SLC2A12: variants seen among roughly 807,000 people sequenced by gnomAD.
SLC2A12 encodes solute carrier family 2, facilitated glucose transporter member 12.
In SLC2A12, 23 loss-of-function variants were observed where a neutral mutation model predicts 41.8. The ratio of observed to expected loss-of-function variants is 0.55; its 90% CI spans 0.40 to 0.78. The LOEUF (loss-of-function observed/expected upper bound fraction) is 0.78, where lower values mean the gene tolerates loss of function less well. Among genes scored for constraint, SLC2A12 ranks in the 30% least tolerant of loss-of-function variants. The pLI is 0.00. For synonymous variants in SLC2A12, 295 were observed against 285.9 expected (o/e 1.03, Z -0.32); for missense variants, 654 against 745.6 (o/e 0.88, Z 1.43).
intron 1 of SLC2A12, among the ~76,000 whole-genome samples, chr6:134,041,776 A>G (rs1332277164): frequency 6.6e-6 from 1 of 152,176 alleles, no homozygotes; most frequent in African/African-American, 2.4e-5. Flanking sequence ...CGGGCTTTCA[A>G]TGCTGTGGTG....
intron 1 of SLC2A12, among the ~76,000 whole-genome samples, chr6:134,035,073 C>T (rs1009763356): frequency 1.4e-5 from 2 of 147,350 alleles, no homozygotes; most frequent in Admixed American, 7.1e-5. Flanking sequence ...GAATAAGATA[C>T]CCCAAAGTAC....
chr6:134,006,239 A>C (rs1241582405), intron 3 of SLC2A12, among the ~76,000 whole-genome samples: 1 of 151,648 alleles, frequency 6.6e-6, no homozygotes, highest in Admixed American at 6.6e-5. Context: ...ACATGACTAT[A>C]ATCAACAAAA....
At chr6:134,024,701 C>A (rs553482523) in intron 2 of SLC2A12, among the ~76,000 whole-genome samples, 2 of 152,204 alleles carry the variant, frequency 1.3e-5, no homozygotes, top group Admixed American at 1.3e-4. Flanking sequence ...TCTTAATATG[C>A]GTGAGATTTT....
At position 134,038,700 on chromosome 6, in the gene SLC2A12, C is replaced by CTTTTTT. The variant is rs200794350; in HGVS notation, c.104-8985_104-8980dup. 1.7e-4 allele frequency among the ~76,000 whole-genome samples: 14 copies of CTTTTTT among 82,110 alleles called. 2 individuals carry two copies. The highest frequency in any genetic ancestry group is 8.3e-4 in the African/African-American group (13 of 15,704). 53.9% of individuals were successfully genotyped at this position (82,110 alleles called of 152,430 possible). A position where few individuals can be genotyped will look rare whatever the true frequency, so the allele number is the denominator to read the frequency against. On this transcript the variant is annotated intron_variant, in intron 1 of 4. Transcript: ENST00000275230. ...CTTTTATCCTTTCTTCCTTTCTTTC[C>CTTTTTT]TTTTTTTTTTTTTTTTTTTTTTTTT...
In SLC2A12 at chr6:134,029,591, C is replaced by T; in HGVS notation, c.234G>A (p.Glu78=). 1.9e-6 allele frequency: 3 copies of T among 1,614,084 alleles called. No homozygotes were observed. The highest frequency in any genetic ancestry group is 2.5e-6 in the Non-Finnish European group (3 of 1,180,016). Residue 78 remains glutamate (E), a synonymous_variant, in exon 2 of 5, where the codon GAG becomes GAA. Coordinates refer to ENST00000275230, the MANE Select transcript of SLC2A12 (RefSeq NM_145176.3). ...IKTLLALSCH[E]QEMVVSSLVI... is the part of the protein sequence containing the mutation. Reference sequence around the variant, plus strand: ...CGAGGGAGCTCACAACCATTTCCTGCTCATGGCAGCTCAGGGCTAATAAGG... The same window carrying T: ...CGAGGGAGCTCACAACCATTTCCTGTTCATGGCAGCTCAGGGCTAATAAGG...
intron 4 of SLC2A12, among the ~76,000 whole-genome samples, chr6:133,995,369 G>A (rs1339650758): frequency 2.6e-5 from 4 of 152,080 alleles, no homozygotes; most frequent in Non-Finnish European, 5.9e-5. Context: ...GCTCTCATAG[G>A]AAGGACTGCA....
intron 4 of SLC2A12, among the ~76,000 whole-genome samples, chr6:133,996,610 G>A (rs1776690579): frequency 6.6e-6 from 1 of 152,152 alleles, no homozygotes; most frequent in Non-Finnish European, 1.5e-5. Flanking sequence ...TCCTTTCTTA[G>A]AAATAGACAT....
intron 1 of SLC2A12, among the ~76,000 whole-genome samples, chr6:134,045,608 G>A (rs960941537): frequency 6.6e-6 from 1 of 152,202 alleles, no homozygotes; most frequent in African/African-American, 2.4e-5. Context: ...AGAGACCCTG[G>A]TACCTGGTAG....
intron 1 of SLC2A12, among the ~76,000 whole-genome samples, chr6:134,050,241 TTAAGA>T (rs1488973913): frequency 6.6e-6 from 1 of 152,176 alleles, no homozygotes; most frequent in Non-Finnish European, 1.5e-5. Flanking sequence ...CAAAAGATGT[TTAAGA>T]TAAGTTAAGA....
At chr6:134,005,490 T>A (rs1443095399) in intron 3 of SLC2A12, among the ~76,000 whole-genome samples, 1 of 151,068 alleles carries the variant, frequency 6.6e-6, no homozygotes, top group Non-Finnish European at 1.5e-5. Context: ...AAACCCCATC[T>A]CTACTAAAAA....
At chr6:134,041,774 C>G (rs1405184438) in intron 1 of SLC2A12, among the ~76,000 whole-genome samples, 1 of 152,148 alleles carries the variant, frequency 6.6e-6, no homozygotes, top group Non-Finnish European at 1.5e-5. Flanking sequence ...TTCGGGCTTT[C>G]AATGCTGTGG....
At chr6:134,029,871 A>C (rs1777177902) in intron 1 of SLC2A12, 150 bp from the exon 2 acceptor site, 3 of 1,037,770 alleles carry the variant, frequency 2.9e-6, no homozygotes, top group Non-Finnish European at 4.0e-6. Flanking sequence ...CACTAACCAA[A>C]AAATGATTTG....
chr6:134,038,332 T>TTTCA (rs1166451320), intron 1 of SLC2A12, among the ~76,000 whole-genome samples: 1 of 151,370 alleles, frequency 6.6e-6, no homozygotes, highest in Non-Finnish European at 1.5e-5. Context: ...TGTGTATTAC[T>TTTCA]TTCATTCTTT....
chr6:134,003,464 T>A (rs1776776749), intron 3 of SLC2A12, among the ~76,000 whole-genome samples: 1 of 152,208 alleles, frequency 6.6e-6, no homozygotes, highest in African/African-American at 2.4e-5. Flanking sequence ...ACGAAGCCTC[T>A]TACTGCCCTG....
intron 4 of SLC2A12, among the ~76,000 whole-genome samples, chr6:133,996,284 T>C (rs888560513): frequency 6.6e-6 from 1 of 152,246 alleles, no homozygotes; most frequent in Admixed American, 6.5e-5. Flanking sequence ...GCTTTCTCCA[T>C]TTGTGCCCAC....
chr6:134,035,990 C>T (rs1777293130), intron 1 of SLC2A12, among the ~76,000 whole-genome samples: 1 of 152,208 alleles, frequency 6.6e-6, no homozygotes, highest in South Asian at 2.1e-4. Flanking sequence ...ACAACTGTAG[C>T]TGGCACTCAA....
Position 133,991,098 on chromosome 6 carries a change from C to G in SLC2A12, c.*57G>C. On this transcript the variant is annotated 3_prime_UTR_variant, in exon 5 of 5. Transcript: ENST00000275230. ...CAGGAGTCGCAACTATGCATTGGTC[C>G]AAAGACACCCTCCTAAGTGTTCTGG... 6.4e-7 allele frequency: 1 copy of G among 1,555,336 alleles called. No homozygotes were observed. Among genetic ancestry groups the G allele is most frequent in the Non-Finnish European group, 8.7e-7 (1 of 1,154,120 alleles).
intron 2 of SLC2A12, among the ~76,000 whole-genome samples, chr6:134,018,201 T>C (rs570733364): frequency 2.6e-5 from 4 of 152,314 alleles, no homozygotes; most frequent in African/African-American, 9.6e-5. Flanking sequence ...TCACCTCATG[T>C]CTAGACCACA....
intron 1 of SLC2A12, 150 bp downstream of exon 1, chr6:134,052,228 C>T (rs1172946905): frequency 3.2e-6 from 2 of 618,410 alleles, no homozygotes; most frequent in Non-Finnish European, 5.4e-6. Context: ...TCATCCAGCG[C>T]GCCCACATGC....
Sources: allele counts gnomAD v4.1 joint callset (sites outside exome capture counted in the v4.1 genomes callset), GRCh38; gene constraint gnomAD v4.1.1; transcripts MANE v1.5; gene names NCBI Gene and HGNC (gene_info 2026-07-23, HGNC 2026-07-21).